Variants in CHN2 observed in about 807,000 individuals in gnomAD.
CHN2 encodes the protein chimerin 2.
CHN2 carries 35 observed loss-of-function variants against 56.3 expected under a neutral mutation model. The observed-to-expected ratio is 0.62, with a 90% CI of 0.47 to 0.82. The LOEUF (loss-of-function observed/expected upper bound fraction) is 0.82, where lower values mean the gene tolerates loss of function less well. Ranked by LOEUF, CHN2 falls within the 40% of genes least tolerant of loss-of-function variation. CHN2 has a pLI of 0.00. For missense variants in CHN2, 491 were observed against 580.5 expected (o/e 0.85, Z 1.58); for synonymous variants, 210 against 212.8 (o/e 0.99, Z 0.12).
intron 1 of CHN2, among the ~76,000 whole-genome samples, chr7:29,340,703 AG>A (rs1796982781): frequency 6.6e-6 from 1 of 152,218 alleles, no homozygotes; most frequent in Non-Finnish European, 1.5e-5. Context: ...AGAGGACAGG[AG>A]TTCACCTACT....
Position 29,213,157 on chromosome 7 carries a change from C to T in CHN2, c.49+18167C>T. On this transcript the variant is annotated intron_variant, in intron 1 of 12. Coordinates refer to ENST00000222792, the MANE Select transcript of CHN2 (RefSeq NM_004067.4). ...CAAATGACTAGGTATTTTAGTACTCCACAAACCATGGATTTATTCCTAAAC... is the reference window on the plus strand; with the variant it reads ...CAAATGACTAGGTATTTTAGTACTCTACAAACCATGGATTTATTCCTAAAC... 2.0e-6 allele frequency: 3 copies of T among 1,481,988 alleles called. No individual in the cohort carries two copies. In the South Asian group the frequency reaches 3.4e-5, roughly 17 times the overall value. 91.8% of individuals were successfully genotyped at this position (1,481,988 alleles called of 1,614,324 possible). A position where few individuals can be genotyped will look rare whatever the true frequency, so the allele number is the denominator to read the frequency against.
chr7:29,176,382 A>G (rs544616473), intron 2 of CHN2, among the ~76,000 whole-genome samples: 3 of 152,328 alleles, frequency 2.0e-5, no homozygotes, highest in Admixed American at 6.5e-5. Flanking sequence ...AATGCCAAAA[A>G]GAAATAATAA....
At chr7:29,204,286 G>A (rs772622960) in intron 1 of CHN2, among the ~76,000 whole-genome samples, 5 of 151,868 alleles carry the variant, frequency 3.3e-5, no homozygotes, top group South Asian at 2.1e-4. Context: ...AATTTATATC[G>A]TATATAAGTT....
At chr7:29,360,231 C>T (rs552757687) in intron 2 of CHN2, among the ~76,000 whole-genome samples, 8 of 152,288 alleles carry the variant, frequency 5.3e-5, no homozygotes, top group Admixed American at 3.3e-4. Context: ...CATTAAGACT[C>T]GACATTCTGG....
intron 2 of CHN2, among the ~76,000 whole-genome samples, chr7:29,160,230 G>A (rs560646125): frequency 6.6e-6 from 1 of 152,310 alleles, no homozygotes; most frequent in South Asian, 2.1e-4. Context: ...CCCACAGTGT[G>A]TGAAGTTGGT....
At chr7:29,289,183 G>C (rs769877385) in intron 1 of CHN2, 3 of 152,138 alleles carry the variant, frequency 2.0e-5, no homozygotes, top group Non-Finnish European at 4.4e-5. Flanking sequence ...TTGTAGGTTG[G>C]ACTTAATTAA....
chr7:29,315,446 G>T (rs886472617), intron 1 of CHN2, among the ~76,000 whole-genome samples: 5 of 152,182 alleles, frequency 3.3e-5, no homozygotes, highest in Non-Finnish European at 7.3e-5. Context: ...ACAGTCTGCA[G>T]AATTAAGCTG....
At chr7:29,399,298 C>A (rs925137345) in intron 5 of CHN2, among the ~76,000 whole-genome samples, 26 of 152,178 alleles carry the variant, frequency 1.7e-4, no homozygotes, top group African/African-American at 6.3e-4. Flanking sequence ...CTTCACCTGG[C>A]CTTGCACGTG....
intron 1 of CHN2, among the ~76,000 whole-genome samples, chr7:29,326,325 T>G (rs540482691): frequency 6.6e-6 from 1 of 152,072 alleles, no homozygotes; most frequent in Non-Finnish European, 1.5e-5. Flanking sequence ...GCCCAGCTAA[T>G]TTTTGTATTT....
At chr7:29,297,182 C>G (rs1296344342) in intron 1 of CHN2, among the ~76,000 whole-genome samples, 1 of 152,196 alleles carries the variant, frequency 6.6e-6, no homozygotes, top group African/African-American at 2.4e-5. Flanking sequence ...GTCGGTTTCC[C>G]ACCTTACAGA....
chr7:29,374,838 TTC>T (rs1799910797), intron 3 of CHN2, among the ~76,000 whole-genome samples: 1 of 150,842 alleles, frequency 6.6e-6, no homozygotes, highest in Non-Finnish European at 1.5e-5. Context: ...CCTTCCTTCC[TTC>T]CTTCCTTCCT....
intron 3 of CHN2, among the ~76,000 whole-genome samples, chr7:29,386,634 T>A (rs544592250): frequency 6.6e-6 from 1 of 152,198 alleles, no homozygotes; most frequent in Non-Finnish European, 1.5e-5. Flanking sequence ...ATGCTTTCTG[T>A]CTCTCACTGT....
intron 6 of CHN2, among the ~76,000 whole-genome samples, chr7:29,437,849 T>C (rs1783354062): frequency 6.6e-6 from 1 of 152,128 alleles, no homozygotes; most frequent in Non-Finnish European, 1.5e-5. Context: ...CAAATATATA[T>C]ACATGGAGCC....
intron 1 of CHN2, among the ~76,000 whole-genome samples, chr7:29,261,754 T>C (rs1319945284): frequency 6.6e-6 from 1 of 152,216 alleles, no homozygotes; most frequent in Non-Finnish European, 1.5e-5. Flanking sequence ...GGAATGACTT[T>C]AAAAAGGAAG....
At chr7:29,252,805 C>A (rs965151485) in intron 1 of CHN2, among the ~76,000 whole-genome samples, 1 of 137,948 alleles carries the variant, frequency 7.2e-6, no homozygotes, top group African/African-American at 3.3e-5. Flanking sequence ...CCTTGTTAGC[C>A]AGGATGGTCT....
intron 3 of CHN2, among the ~76,000 whole-genome samples, chr7:29,378,566 G>C (rs1585205619): frequency 6.6e-6 from 1 of 152,310 alleles, no homozygotes; most frequent in Non-Finnish European, 1.5e-5. Flanking sequence ...GCAGAGCTGA[G>C]TACTTGAGAC....
upstream of CHN2, chr7:29,194,564 G>C (rs1783372521): frequency 5.0e-6 from 1 of 201,052 alleles, no homozygotes; most frequent in Non-Finnish European, 9.9e-6. Context: ...TGGCGGGGCG[G>C]CTCGGAGCTG....
intron 1 of CHN2, among the ~76,000 whole-genome samples, chr7:29,313,585 T>C (rs1294387456): frequency 6.6e-6 from 1 of 152,208 alleles, no homozygotes; most frequent in Non-Finnish European, 1.5e-5. Flanking sequence ...GCATCTCATT[T>C]AGAGAAATGC....
At position 29,513,668 on chromosome 7, in the gene CHN2, A is replaced by G. The variant is rs1016716816; in HGVS notation, c.*933A>G. On this transcript the variant is annotated 3_prime_UTR_variant, in exon 13 of 13. Transcript: ENST00000222792. ...CTCTGAATTCATCTGTTAATATCAA[A>G]TTGTATTTTTGCCACATTTCTGTAT... 9.2e-5 allele frequency: 14 copies of G among 152,408 alleles called. No homozygotes were observed. Among genetic ancestry groups the G allele is most frequent in the African/African-American group, 3.4e-4 (14 of 41,434 alleles). The allele number at this position is 152,408 out of a possible 1,614,324, so 9.4% of individuals were successfully genotyped here. A position where few individuals can be genotyped will look rare whatever the true frequency, so the allele number is the denominator to read the frequency against.
Sources: gnomAD v4.1 joint callset for allele counts (sites outside exome capture counted in the v4.1 genomes callset) on GRCh38, gnomAD v4.1.1 for gene constraint, MANE v1.5 for transcripts, NCBI Gene and HGNC (gene_info 2026-07-23, HGNC 2026-07-21) for gene names.